Variants in ZDHHC3 observed in about 807,000 individuals in gnomAD.
The protein encoded by ZDHHC3 is zDHHC palmitoyltransferase 3, also known as palmitoyltransferase ZDHHC3.
ZDHHC3 carries 9 observed loss-of-function variants against 30.6 expected under a neutral mutation model. The observed-to-expected ratio is 0.29, with a 90% CI of 0.18 to 0.51. The LOEUF is 0.51. Among genes scored for constraint, ZDHHC3 ranks in the 20% least tolerant of loss-of-function variants. ZDHHC3 has a pLI of 0.97. For missense variants in ZDHHC3, 246 were observed against 384.2 expected (o/e 0.64, Z 3.01); for synonymous variants, 136 against 140.2 (o/e 0.97, Z 0.21).
At position 44,923,674 on chromosome 3, in the gene ZDHHC3, G is replaced by A. The variant is rs1481364163; in HGVS notation, c.*3015C>T. The A allele has an allele frequency of 2.7e-6, 2 of 747,500 alleles. No individual in the cohort carries two copies. Among genetic ancestry groups the A allele is most frequent in the South Asian group, 6.1e-5 (1 of 16,488 alleles). The allele number at this position is 747,500 out of a possible 1,614,324, so 46.3% of individuals were successfully genotyped here. A position where few individuals can be genotyped will look rare whatever the true frequency, so the allele number is the denominator to read the frequency against. ...AAAAATTAGCCAGGCATGGTAGTAC[G>A]TGCCTGTAGCCCTGGATATTCAGGA... is the stretch of plus-strand genomic sequence containing the variant. On this transcript the variant is annotated 3_prime_UTR_variant, in exon 7 of 7. Transcript: ENST00000424952.
chr3:44,948,865 G>A (rs1056338398), intron 2 of ZDHHC3, among the ~76,000 whole-genome samples: 38 of 152,362 alleles, frequency 2.5e-4, no homozygotes, highest in African/African-American at 8.7e-4. Flanking sequence ...CTCCTGAGAT[G>A]GGCAGCACTT....
chr3:44,960,624 T>G (rs192700280), intron 1 of ZDHHC3, among the ~76,000 whole-genome samples: 83 of 152,378 alleles, frequency 5.4e-4, no homozygotes, highest in Non-Finnish European at 1.0e-3. Flanking sequence ...ACCAGGTTTC[T>G]CAGTTAGAAA....
At chr3:44,968,451 T>G (rs1417902896) in intron 1 of ZDHHC3, among the ~76,000 whole-genome samples, 1 of 152,204 alleles carries the variant, frequency 6.6e-6, no homozygotes, top group Non-Finnish European at 1.5e-5. Flanking sequence ...TAAGGACACT[T>G]TGGGAGACCC....
intron 6 of ZDHHC3, among the ~76,000 whole-genome samples, chr3:44,928,679 C>T (rs960771946): frequency 2.0e-5 from 3 of 152,164 alleles, no homozygotes; most frequent in Non-Finnish European, 2.9e-5. Flanking sequence ...GGGAGTAGGC[C>T]CCAGTCTGGC....
At position 44,945,219 on chromosome 3, in the gene ZDHHC3, T is replaced by C; in HGVS notation, c.380A>G (p.Tyr127Cys). 1 of 1,614,176 alleles carries C rather than the reference T, an allele frequency of 6.2e-7. No individual in the cohort carries two copies. The highest frequency in any genetic ancestry group is 8.5e-7 in the Non-Finnish European group (1 of 1,180,030). The change falls in exon 3 of 7, where the codon TAC becomes TGC. Residue 127 changes from tyrosine to cysteine, a missense_variant. By Grantham distance (194) the Tyr-to-Cys change is radical (BLOSUM62 -2). Transcript: ENST00000424952. The part of the protein sequence containing the change: ...SLQLKPGQVV[Y>C]KCPKCCSIKP... ...GATGCTGCAGCATTTGGGGCACTTG[T>C]ACACCACCTGCCCAGGCTTCAACTG...
At position 44,918,729 on chromosome 3, in the gene ZDHHC3, G is replaced by T; in HGVS notation, c.*7960C>A. 2 of 991,416 alleles carry T rather than the reference G, an allele frequency of 2.0e-6. No individual in the cohort carries two copies. Among genetic ancestry groups the T allele is most frequent in the African/African-American group, 1.7e-5 (1 of 57,450 alleles). The allele number at this position is 991,416 out of a possible 1,614,324, so 61.4% of individuals were successfully genotyped here. A position where few individuals can be genotyped will look rare whatever the true frequency, so the allele number is the denominator to read the frequency against. On this transcript the variant is annotated 3_prime_UTR_variant, in exon 7 of 7. Transcript: ENST00000424952. ...CACAGGACCACTGTGGGGAGGTAAG[G>T]CTGGGCTCAGGCCTGCTCATGCAGC...
intron 3 of ZDHHC3, among the ~76,000 whole-genome samples, chr3:44,942,716 T>C (rs1424296887): frequency 6.6e-6 from 1 of 152,236 alleles, no homozygotes; most frequent in East Asian, 1.9e-4. Flanking sequence ...CAGTTACTCA[T>C]ACTTAATCCT....
In ZDHHC3 at chr3:44,926,123, TA is replaced by T. The variant is rs1303030062; in HGVS notation, c.*565del. 1.0e-6 allele frequency: 1 copy of T among 985,872 alleles called. No individual in the cohort carries two copies. Among genetic ancestry groups the T allele is most frequent in the East Asian group, 1.1e-4 (1 of 8,808 alleles). The allele number at this position is 985,872 out of a possible 1,614,324, so 61.1% of individuals were successfully genotyped here. A position where few individuals can be genotyped will look rare whatever the true frequency, so the allele number is the denominator to read the frequency against. ...CAAGGCAGGCAATTGCTTTGCGAGTTAGCAGGCAAACCGTGTCCACTTGGGG... is the reference window on the plus strand; with the variant it reads ...CAAGGCAGGCAATTGCTTTGCGAGTTGCAGGCAAACCGTGTCCACTTGGGG... On this transcript the variant is annotated 3_prime_UTR_variant, in exon 7 of 7. Transcript: ENST00000424952.
chr3:44,942,399 A>C (rs1264608917), intron 3 of ZDHHC3, among the ~76,000 whole-genome samples: 2 of 152,198 alleles, frequency 1.3e-5, no homozygotes, highest in African/African-American at 2.4e-5. Context: ...AGGCATCCTC[A>C]CTTTAGTTCA....
chr3:44,959,496 T>G lies in ZDHHC3; in HGVS notation c.-24-36A>C. The stretch of plus-strand genomic sequence containing the variant: ...GAGGAAAGAATCCAGAAACTTGGTG[T>G]TGTCTTGTCATCAAGGAGGTTTGAC... On this transcript the variant is annotated intron_variant, in intron 1 of 6. Coordinates refer to ENST00000424952, the MANE Select transcript of ZDHHC3 (RefSeq NM_001135179.2). This position sits in a 1 kb window ranked among gnomAD's most constrained non-coding sequence, Gnocchi z 4.3. 2 of 1,562,732 alleles carry G rather than the reference T, an allele frequency of 1.3e-6. No individual in the cohort carries two copies. Among genetic ancestry groups the G allele is most frequent in the Non-Finnish European group, 1.7e-6 (2 of 1,150,968 alleles).
intron 2 of ZDHHC3, among the ~76,000 whole-genome samples, chr3:44,953,813 C>T (rs1358207429): frequency 6.6e-6 from 1 of 152,214 alleles, no homozygotes; most frequent in Non-Finnish European, 1.5e-5. Context: ...GAGAATGCAG[C>T]ACGATACTCC....
At position 44,922,112 on chromosome 3, in the gene ZDHHC3, T is replaced by C. The variant is rs1700635509; in HGVS notation, c.*4577A>G. On this transcript the variant is annotated 3_prime_UTR_variant, in exon 7 of 7. Coordinates refer to ENST00000424952, the MANE Select transcript of ZDHHC3 (RefSeq NM_001135179.2). ...TTCAGGTTGGGAGTACGCTGGTCAG[T>C]GGCTTGTTTCTGCTTCACTGTGAAT... 1 of 985,334 alleles carries C rather than the reference T, an allele frequency of 1.0e-6. No individual in the cohort carries two copies. Among genetic ancestry groups the C allele is most frequent in the Non-Finnish European group, 1.2e-6 (1 of 829,946 alleles). 61.0% of individuals were successfully genotyped at this position (985,334 alleles called of 1,614,324 possible). A position where few individuals can be genotyped will look rare whatever the true frequency, so the allele number is the denominator to read the frequency against.
At chr3:44,939,338 T>C (rs141873798) in intron 3 of ZDHHC3, among the ~76,000 whole-genome samples, 48 of 152,364 alleles carry the variant, frequency 3.2e-4, no homozygotes, top group Middle Eastern at 3.4e-3. Context: ...AAATTGGTAA[T>C]GCCTGTTCCC....
At chr3:44,957,628 T>C (rs1271011967) in intron 2 of ZDHHC3, among the ~76,000 whole-genome samples, 1 of 152,216 alleles carries the variant, frequency 6.6e-6, no homozygotes, top group African/African-American at 2.4e-5. Context: ...CCTACGTCTC[T>C]GTGCAAGCTG....
intron 1 of ZDHHC3, among the ~76,000 whole-genome samples, chr3:44,974,001 A>G (rs1559731965): frequency 6.6e-6 from 1 of 152,232 alleles, no homozygotes; most frequent in East Asian, 1.9e-4. Context: ...TTACTTCAAT[A>G]CACTAAAAAA....
In ZDHHC3 at chr3:44,926,754, C is replaced by T. The variant is rs1701026169; in HGVS notation, c.835G>A (p.Gly279Ser). The T allele has an allele frequency of 6.2e-7, 1 of 1,613,904 alleles. No homozygotes were observed. The highest frequency in any genetic ancestry group is 1.3e-5 in the African/African-American group (1 of 74,894). ...KAVFGHPFSL[G>S]WASPFATPDQ... ...GGCGTGGCAAAGGGGCTGGCCCAGC[C>T]TAGAGAGAAGGGGTGGCCAAAAACG... Residue 279 changes from glycine (G) to serine (S), a missense_variant, in exon 7 of 7, where the codon GGC becomes AGC. Coordinates refer to ENST00000424952, the MANE Select transcript of ZDHHC3 (RefSeq NM_001135179.2).
At chr3:44,958,909 T>C (rs1440446683) in intron 2 of ZDHHC3, among the ~76,000 whole-genome samples, 1 of 152,214 alleles carries the variant, frequency 6.6e-6, no homozygotes, top group African/African-American at 2.4e-5. Flanking sequence ...ACTTATAGTA[T>C]CATTTAACCA....
chr3:44,976,043 G>A lies in ZDHHC3; in HGVS notation c.-135C>T. ...CCGGGACCCGGCCTCGGGCTTCGGC[G>A]ATGGCTCCTCGGAACGAGGCGCCGC... On this transcript the variant is annotated 5_prime_UTR_variant, in exon 1 of 7. Coordinates refer to ENST00000424952, the MANE Select transcript of ZDHHC3 (RefSeq NM_001135179.2). The A allele has an allele frequency of 2.5e-6, 1 of 404,762 alleles. No homozygotes were observed. The highest frequency in any genetic ancestry group is 4.4e-6 in the Non-Finnish European group (1 of 229,728). The allele number at this position is 404,762 out of a possible 1,614,324, so 25.1% of individuals were successfully genotyped here.
At chr3:44,948,335 G>C (rs2125877177) in intron 2 of ZDHHC3, among the ~76,000 whole-genome samples, 1 of 152,298 alleles carries the variant, frequency 6.6e-6, no homozygotes, top group Middle Eastern at 3.4e-3. Context: ...GAAGGGAAGA[G>C]CCACTGAAGA....
Sources: allele counts gnomAD v4.1 joint callset (sites outside exome capture counted in the v4.1 genomes callset), GRCh38; gene constraint gnomAD v4.1.1; non-coding constraint Gnocchi (gnomAD v3.1); transcripts MANE v1.5; gene names NCBI Gene and HGNC (gene_info 2026-07-23, HGNC 2026-07-21).